Variants in TRAPPC9 observed in about 807,000 individuals in gnomAD.
The protein encoded by TRAPPC9 is trafficking protein particle complex subunit 9, also known as IKK2 binding protein.
A neutral mutation model predicts 124.0 loss-of-function variants in TRAPPC9; 83 were observed. The observed-to-expected ratio is 0.67, with a 90% CI of 0.56 to 0.80. TRAPPC9 has a LOEUF of 0.80. Among genes scored for constraint, TRAPPC9 ranks in the 30% least tolerant of loss-of-function variants. The pLI, the probability that TRAPPC9 is intolerant of heterozygous loss-of-function variation, is 0.00. For synonymous variants in TRAPPC9, 638 were observed against 617.5 expected, an observed-to-expected ratio of 1.03 and a Z score of -0.49; for missense variants, 1,302 against 1,508.3, an observed-to-expected ratio of 0.86 and a Z score of 2.27.
intron 17 of TRAPPC9, among the ~76,000 whole-genome samples, chr8:140,123,201 T>C (rs995554638): frequency 3.3e-5 from 5 of 151,964 alleles, no homozygotes; most frequent in African/African-American, 1.2e-4. Context: ...CCGACCCCTC[T>C]TCAGAGCCCT....
intron 9 of TRAPPC9, among the ~76,000 whole-genome samples, chr8:140,328,169 C>A (rs1037871137): frequency 2.6e-5 from 4 of 151,990 alleles, no homozygotes; most frequent in Non-Finnish European, 5.9e-5. Context: ...ACAGAAGAAT[C>A]GCTTGAAGCC....
intron 18 of TRAPPC9, among the ~76,000 whole-genome samples, chr8:140,014,534 C>T (rs768152108): frequency 6.6e-6 from 1 of 152,148 alleles, no homozygotes; most frequent in African/African-American, 2.4e-5. Flanking sequence ...ATTCTCTTAT[C>T]GCCCTGGTGA....
At chr8:140,184,250 CT>C (rs2062299867) in intron 17 of TRAPPC9, among the ~76,000 whole-genome samples, 1 of 151,298 alleles carries the variant, frequency 6.6e-6, no homozygotes, top group African/African-American at 2.4e-5. Flanking sequence ...TGGCAGGTGG[CT>C]CTTTTTCCAT....
chr8:139,838,884 C>T (rs1255241416), intron 21 of TRAPPC9, among the ~76,000 whole-genome samples: 2 of 152,216 alleles, frequency 1.3e-5, no homozygotes, highest in African/African-American at 4.8e-5. Flanking sequence ...AGGCCCAGGG[C>T]CTCACCTGGA....
At chr8:140,401,529 G>A (rs1002651939) in intron 6 of TRAPPC9, among the ~76,000 whole-genome samples, 20 of 152,208 alleles carry the variant, frequency 1.3e-4, no homozygotes, top group African/African-American at 4.6e-4. Flanking sequence ...TTCTATTGAC[G>A]TGAGAATAAA....
rs577132146 is a variant in TRAPPC9 at position 140,440,367 on chromosome 8, C to T, written c.585-1170G>A. 1.6e-4 allele frequency among the ~76,000 whole-genome samples: 24 copies of T among 152,112 alleles called. No homozygotes were observed. In the South Asian group the frequency reaches 4.8e-3, roughly 30 times the overall value. ...CTAAAAATACAAAAAATTAGCCGGG[C>T]GTGGTGGCACGCGCCTGTAGTCCCA... On this transcript the variant is annotated intron_variant, in intron 2 of 22. Coordinates refer to ENST00000438773, the MANE Select transcript of TRAPPC9 (RefSeq NM_001160372.4).
chr8:139,912,853 T>A (rs1831839694), intron 19 of TRAPPC9, among the ~76,000 whole-genome samples: 1 of 152,208 alleles, frequency 6.6e-6, no homozygotes, highest in African/African-American at 2.4e-5. Context: ...AAAGCTCCTC[T>A]TACTTCCCCG....
chr8:140,001,495 T>C (rs1012909085), intron 18 of TRAPPC9, among the ~76,000 whole-genome samples: 5 of 151,832 alleles, frequency 3.3e-5, no homozygotes, highest in South Asian at 2.1e-4. Flanking sequence ...AGCAGACAAA[T>C]AGAAAAATAT....
chr8:139,863,106 G>T (rs777555198), intron 21 of TRAPPC9, among the ~76,000 whole-genome samples: 2 of 152,338 alleles, frequency 1.3e-5, no homozygotes, highest in South Asian at 2.1e-4. Flanking sequence ...TGTCTTCTCC[G>T]GGAGAAAACA....
Position 139,727,782 on chromosome 8 carries a change from T to C in TRAPPC9, c.*3279A>G, listed in dbSNP as rs1563765255. ...ACTCCATCAGCATTTCCTGTCCCAT[T>C]TCAGCACCTGTGTTAGAAAGTTCTT... On this transcript the variant is annotated 3_prime_UTR_variant, in exon 23 of 23. Transcript: ENST00000438773. Among the ~76,000 whole-genome samples the C allele has an allele frequency of 6.6e-6, 1 of 152,208 alleles. No individual in the cohort carries two copies. The highest frequency in any genetic ancestry group is 1.9e-4 in the East Asian group (1 of 5,194).
chr8:139,754,761 A>G (rs564336445), intron 21 of TRAPPC9, among the ~76,000 whole-genome samples: 203 of 152,286 alleles, frequency 1.3e-3, no homozygotes, highest in African/African-American at 4.7e-3. Context: ...CCGTGTCACA[A>G]GCTGAACAGC....
At chr8:140,408,818 A>G (rs1397058014) in intron 5 of TRAPPC9, among the ~76,000 whole-genome samples, 1 of 152,018 alleles carries the variant, frequency 6.6e-6, no homozygotes, top group African/African-American at 2.4e-5. Flanking sequence ...AAAAAAAAAA[A>G]AATCAAACCC....
At chr8:139,946,824 T>TA (rs35184277) in intron 19 of TRAPPC9, among the ~76,000 whole-genome samples, 80,119 of 147,896 alleles carry the variant, frequency 0.54, 22,091 homozygotes, top group African/African-American at 0.68. Flanking sequence ...GCTAAAAATT[T>TA]AAAAAAAAAA....
At chr8:139,885,153 G>C (rs1829922035) in intron 21 of TRAPPC9, among the ~76,000 whole-genome samples, 1 of 152,212 alleles carries the variant, frequency 6.6e-6, no homozygotes, top group Admixed American at 6.5e-5. Context: ...ATCCAAAATA[G>C]ATGAGCTGAT....
intron 20 of TRAPPC9, among the ~76,000 whole-genome samples, chr8:139,890,227 C>T (rs1156834660): frequency 6.6e-6 from 1 of 152,240 alleles, no homozygotes; most frequent in Non-Finnish European, 1.5e-5. Context: ...CCTGTGTGGT[C>T]CCTTCCCAAG....
Position 140,434,527 on chromosome 8 carries a change from A to T in TRAPPC9, c.859+585T>A, listed in dbSNP as rs577150631. On this transcript the variant is annotated intron_variant, in intron 4 of 22. Coordinates refer to ENST00000438773, the MANE Select transcript of TRAPPC9 (RefSeq NM_001160372.4). ...GGACTAGCTTCTCCTAATACATAAAATTATAAAAAAGACTTAGACACAGAA... is the reference window on the plus strand; with the variant it reads ...GGACTAGCTTCTCCTAATACATAAATTTATAAAAAAGACTTAGACACAGAA... Among the ~76,000 whole-genome samples the T allele has an allele frequency of 5.9e-5, 9 of 152,338 alleles. No individual in the cohort carries two copies. In the South Asian group the frequency reaches 1.9e-3, roughly 32 times the overall value.
chr8:139,891,673 G>A (rs772194409), intron 20 of TRAPPC9, among the ~76,000 whole-genome samples: 4 of 152,126 alleles, frequency 2.6e-5, no homozygotes, highest in Non-Finnish European at 5.9e-5. Context: ...CATCAAACTC[G>A]GGGCTTGACA....
At chr8:140,276,364 C>T (rs1197356050) in intron 14 of TRAPPC9, among the ~76,000 whole-genome samples, 11 of 152,292 alleles carry the variant, frequency 7.2e-5, no homozygotes, top group Admixed American at 6.5e-5. Flanking sequence ...CAACACCTGG[C>T]GTCACATGAG....
At chr8:139,734,033 G>A (rs1292336781) in intron 21 of TRAPPC9, among the ~76,000 whole-genome samples, 2 of 152,188 alleles carry the variant, frequency 1.3e-5, no homozygotes, top group African/African-American at 2.4e-5. Context: ...CCACTCTTTC[G>A]ACCCCTGAAG....
Sources: gnomAD v4.1 joint callset for allele counts (sites outside exome capture counted in the v4.1 genomes callset) on GRCh38, gnomAD v4.1.1 for gene constraint, MANE v1.5 for transcripts, NCBI Gene and HGNC (gene_info 2026-07-23, HGNC 2026-07-21) for gene names.